Variants in ARHGAP42 observed in about 807,000 individuals in gnomAD.
ARHGAP42 encodes the protein rho GTPase-activating protein 42.
A neutral mutation model predicts 125.0 loss-of-function variants in ARHGAP42; 63 were observed. That is an observed-to-expected ratio of 0.50 (90% CI 0.41 to 0.62). ARHGAP42 has a LOEUF of 0.62. Ranked by LOEUF, ARHGAP42 falls within the 20% of genes least tolerant of loss-of-function variation. The probability of loss-of-function intolerance (pLI) is 0.00; values close to 1 mark genes in which losing one functional copy is unlikely to be tolerated. For missense variants in ARHGAP42, 766 were observed against 1,024.2 expected, an observed-to-expected ratio of 0.75 and a Z score of 3.44; for synonymous variants, 339 against 351.0, an observed-to-expected ratio of 0.97 and a Z score of 0.38.
intron 4 of ARHGAP42, among the ~76,000 whole-genome samples, chr11:100,896,109 T>G (rs1866351848): frequency 6.6e-6 from 1 of 152,178 alleles, no homozygotes; most frequent in African/African-American, 2.4e-5. Context: ...TTTCTGTCCT[T>G]GTGATAGTTT....
At chr11:100,855,931 C>T (rs1021259129) in intron 3 of ARHGAP42, among the ~76,000 whole-genome samples, 3 of 152,100 alleles carry the variant, frequency 2.0e-5, no homozygotes, top group African/African-American at 7.2e-5. Flanking sequence ...TTAATTGTTT[C>T]TTAATTACCA....
chr11:100,794,752 T>G (rs1863667534), intron 2 of ARHGAP42, among the ~76,000 whole-genome samples: 1 of 152,200 alleles, frequency 6.6e-6, no homozygotes, highest in African/African-American at 2.4e-5. Flanking sequence ...AGGTCACTGC[T>G]TACAAATGAT....
At chr11:100,737,931 A>G (rs1049833705) in intron 1 of ARHGAP42, among the ~76,000 whole-genome samples, 1 of 152,194 alleles carries the variant, frequency 6.6e-6, no homozygotes, top group Non-Finnish European at 1.5e-5. Flanking sequence ...GCACGTGGTC[A>G]TTTCTTTTTT....
intron 16 of ARHGAP42, among the ~76,000 whole-genome samples, chr11:100,963,616 G>A (rs966146407): frequency 2.6e-5 from 4 of 152,122 alleles, no homozygotes; most frequent in Non-Finnish European, 5.9e-5. Context: ...CTAACCACAT[G>A]ATCTCATATA....
intron 4 of ARHGAP42, among the ~76,000 whole-genome samples, chr11:100,875,535 G>A (rs949048512): frequency 1.3e-5 from 2 of 152,230 alleles, no homozygotes; most frequent in Admixed American, 1.3e-4. Flanking sequence ...ACTGGGGGGA[G>A]GGTTTGCAGT....
intron 4 of ARHGAP42, among the ~76,000 whole-genome samples, chr11:100,899,695 TG>T (rs1302176106): frequency 4.2e-5 from 6 of 141,620 alleles, no homozygotes; most frequent in Non-Finnish European, 6.1e-5. Flanking sequence ...TTGTTTGTTT[TG>T]TTTTTTTTGT....
At chr11:100,818,191 A>G (rs1864314222) in intron 3 of ARHGAP42, among the ~76,000 whole-genome samples, 1 of 151,976 alleles carries the variant, frequency 6.6e-6, no homozygotes, top group Non-Finnish European at 1.5e-5. Context: ...ACCTTTTTTA[A>G]TTTTGTTAGC....
intron 2 of ARHGAP42, among the ~76,000 whole-genome samples, chr11:100,779,173 GC>G (rs1197103104): frequency 6.6e-6 from 1 of 151,944 alleles, no homozygotes; most frequent in African/African-American, 2.4e-5. Flanking sequence ...CTGGCTGGGT[GC>G]AGTGGCTCAC....
At chr11:100,748,124 T>C (rs1862347620) in intron 1 of ARHGAP42, among the ~76,000 whole-genome samples, 1 of 152,194 alleles carries the variant, frequency 6.6e-6, no homozygotes, top group Non-Finnish European at 1.5e-5. Flanking sequence ...CAAACTTTAC[T>C]TTTGTTGAAA....
chr11:100,814,489 A>G (rs1424177227), intron 3 of ARHGAP42, among the ~76,000 whole-genome samples: 2 of 152,168 alleles, frequency 1.3e-5, no homozygotes, highest in African/African-American at 2.4e-5. Flanking sequence ...CCGTTCTCAC[A>G]TTGGTATAAA....
chr11:100,989,803 A>G lies in ARHGAP42; in HGVS notation c.*1002A>G, dbSNP rs541597644. ...ATTTGGGCTTTTGAAATGTTCTTCT[A>G]CAAATGAAAAAGATGTTTAAAAACG... On this transcript the variant is annotated 3_prime_UTR_variant, in exon 24 of 24. Coordinates refer to ENST00000298815, the MANE Select transcript of ARHGAP42 (RefSeq NM_152432.4). The G allele has an allele frequency of 6.6e-6, 1 of 152,314 alleles. No individual in the cohort carries two copies. The highest frequency in any genetic ancestry group is 2.1e-4 in the South Asian group (1 of 4,824). The allele number at this position is 152,314 out of a possible 1,614,324, so 9.4% of individuals were successfully genotyped here.
intron 7 of ARHGAP42, 43 bp downstream of exon 7, chr11:100,933,303 A>C (rs1348513159): frequency 2.0e-5 from 27 of 1,384,534 alleles, no homozygotes; most frequent in Non-Finnish European, 2.6e-5. Context: ...CAAATCTGCA[A>C]ATCTGATTTC....
At chr11:100,722,516 G>A (rs748131254) in intron 1 of ARHGAP42, among the ~76,000 whole-genome samples, 2 of 151,122 alleles carry the variant, frequency 1.3e-5, no homozygotes, top group African/African-American at 2.4e-5. Flanking sequence ...TCAGCCTCCC[G>A]AGTAGCTGGG....
chr11:100,921,790 A>G (rs1297382237), intron 6 of ARHGAP42, among the ~76,000 whole-genome samples, 186 bp downstream of exon 6: 1 of 152,146 alleles, frequency 6.6e-6, no homozygotes, highest in Non-Finnish European at 1.5e-5. Flanking sequence ...TTTGTACAAT[A>G]GAGTAGTGAT....
intron 1 of ARHGAP42, among the ~76,000 whole-genome samples, chr11:100,742,102 T>C (rs1341306455): frequency 6.6e-6 from 1 of 152,224 alleles, no homozygotes; most frequent in Non-Finnish European, 1.5e-5. Flanking sequence ...TCCTTCTGCT[T>C]TTTGCTCACT....
intron 3 of ARHGAP42, among the ~76,000 whole-genome samples, chr11:100,856,013 C>A (rs1197893098): frequency 6.6e-6 from 1 of 151,792 alleles, no homozygotes; most frequent in Non-Finnish European, 1.5e-5. Flanking sequence ...TGTATTTTTT[C>A]TAAAGCATCT....
At chr11:100,752,401 G>A (rs988241969) in intron 1 of ARHGAP42, among the ~76,000 whole-genome samples, 1 of 152,202 alleles carries the variant, frequency 6.6e-6, no homozygotes, top group Admixed American at 6.5e-5. Context: ...CTGTGCCACT[G>A]CTGAAACTTC....
At chr11:100,820,337 C>A (rs150335731) in intron 3 of ARHGAP42, among the ~76,000 whole-genome samples, 80 of 152,100 alleles carry the variant, frequency 5.3e-4, no homozygotes, top group African/African-American at 1.8e-3. Context: ...TGGAGGCTAC[C>A]ATGGCCATAT....
At chr11:100,700,129 C>G (rs1861372042) in intron 1 of ARHGAP42, among the ~76,000 whole-genome samples, 1 of 152,096 alleles carries the variant, frequency 6.6e-6, no homozygotes, top group African/African-American at 2.4e-5. Flanking sequence ...TTTTTGGTTT[C>G]CCAGTGCATG....
Sources: gnomAD v4.1 joint callset for allele counts (sites outside exome capture counted in the v4.1 genomes callset) on GRCh38, gnomAD v4.1.1 for gene constraint, MANE v1.5 for transcripts, NCBI Gene and HGNC (gene_info 2026-07-23, HGNC 2026-07-21) for gene names.